ERICH2: variants seen among roughly 807,000 people sequenced by gnomAD.
ERICH2 encodes glutamate rich 2.
Under a neutral mutation model 17.4 loss-of-function variants are expected in ERICH2, and 17 were observed. The observed-to-expected ratio is 0.98, with a 90% CI of 0.67 to 1.47. ERICH2 has a LOEUF of 1.47. Ranked by LOEUF, ERICH2 falls within the 40% of genes most tolerant of loss-of-function variation. The pLI is 0.00. For missense variants in ERICH2, 186 were observed against 183.2 expected (o/e 1.01, Z -0.09); for synonymous variants, 51 against 61.1 (o/e 0.83, Z 0.77).
At chr2:170,780,438 TATTTTTCTGGC>T, upstream of ERICH2, among the ~76,000 whole-genome samples, 1 of 152,202 alleles carries the variant, frequency 6.6e-6, no homozygotes, top group Non-Finnish European at 1.5e-5. Context: ...CTCATATAGG[TATTTTTCTGGC>T]ATGTTCACTG....
At chr2:170,775,035 G>C in the ERICH2 span, among the ~76,000 whole-genome samples, 5 of 152,158 alleles carry the variant, frequency 3.3e-5, no homozygotes, top group African/African-American at 1.2e-4. Context: ...TTTTCACCAG[G>C]TGAAAATGGG....
intron 2 of ERICH2, among the ~76,000 whole-genome samples, chr2:170,786,880 A>G (rs931137641): frequency 2.6e-5 from 4 of 151,912 alleles, no homozygotes; most frequent in African/African-American, 9.7e-5. Flanking sequence ...TCATGTTCAT[A>G]TTTACCTCTG....
intron 3 of ERICH2, among the ~76,000 whole-genome samples, chr2:170,795,804 G>A (rs1017773699): frequency 2.6e-5 from 4 of 152,078 alleles, no homozygotes; most frequent in Non-Finnish European, 5.9e-5. Context: ...AGTCTCTTTA[G>A]GGTACCACAC....
At chr2:170,786,536 G>A (rs1187329343) in intron 2 of ERICH2, among the ~76,000 whole-genome samples, 1 of 151,918 alleles carries the variant, frequency 6.6e-6, no homozygotes, top group Non-Finnish European at 1.5e-5. Flanking sequence ...TGAGTTTATA[G>A]TCTTCATCAA....
intron 3 of ERICH2, among the ~76,000 whole-genome samples, chr2:170,797,807 A>G (rs143390396): frequency 0.012 from 1,850 of 150,528 alleles, 41 homozygotes; most frequent in African/African-American, 0.044. Flanking sequence ...AAAAAAAAAA[A>G]AAAAAAAGAA....
chr2:170,783,821 C>G (rs1390784894), exon 1 of ERICH2: 1 of 1,550,440 alleles, frequency 6.4e-7, no homozygotes, highest in Middle Eastern at 1.7e-4. Flanking sequence ...ACTGGACAGT[C>G]AGGGTGGTTG....
the ERICH2 span, chr2:170,777,722 C>G: frequency 8.3e-7 from 1 of 1,199,192 alleles, no homozygotes. Flanking sequence ...CTCTCCCATG[C>G]CTTTTAAGCA....
chr2:170,789,746 A>T (rs1208578513), intron 2 of ERICH2, among the ~76,000 whole-genome samples: 1 of 152,202 alleles, frequency 6.6e-6, no homozygotes, highest in East Asian at 1.9e-4. Flanking sequence ...TTGATTCCAT[A>T]CTTCTTTTCT....
At chr2:170,791,105 G>C (rs180717186) in intron 2 of ERICH2, among the ~76,000 whole-genome samples, 54 of 152,112 alleles carry the variant, frequency 3.6e-4, no homozygotes, top group African/African-American at 1.2e-3. Flanking sequence ...AATTAAAATG[G>C]AAGAAAACCA....
At chr2:170,787,063 T>G (rs1408516955) in intron 2 of ERICH2, among the ~76,000 whole-genome samples, 1 of 150,762 alleles carries the variant, frequency 6.6e-6, no homozygotes, top group African/African-American at 2.4e-5. Context: ...TTGTTTGTTT[T>G]AACAGATGGG....
upstream of ERICH2, chr2:170,783,637 C>A: frequency 1.6e-6 from 1 of 627,546 alleles, no homozygotes; most frequent in Non-Finnish European, 2.8e-6. Context: ...AAATAAACAG[C>A]TCCTGGAGAG....
intron 3 of ERICH2, among the ~76,000 whole-genome samples, chr2:170,793,162 C>A (rs112870270): frequency 7.0e-4 from 107 of 152,158 alleles, no homozygotes; most frequent in African/African-American, 2.4e-3. Flanking sequence ...GAAAATAAGT[C>A]AAAAATTTTA....
At chr2:170,798,144 C>T in intron 4 of ERICH2, 32 bp downstream of exon 9, 1 of 1,367,520 alleles carries the variant, frequency 7.3e-7, no homozygotes, top group Non-Finnish European at 1.0e-6. Flanking sequence ...CCTTGTTTCT[C>T]ATAGAACTAT....
chr2:170,777,498 A>G, the ERICH2 span: 1 of 1,095,916 alleles, frequency 9.1e-7, no homozygotes, highest in Non-Finnish European at 1.2e-6. Flanking sequence ...GACTATTGGA[A>G]TCTTGAGTGT....
exon 5 of ERICH2, chr2:170,798,907 T>C (rs1308167860): frequency 6.5e-7 from 1 of 1,549,986 alleles, no homozygotes; most frequent in Admixed American, 2.0e-5. Context: ...GTTGCTGCAA[T>C]ACTTGAAGCT....
At chr2:170,780,138 G>C (rs1203605449), upstream of ERICH2, among the ~76,000 whole-genome samples, 2 of 151,952 alleles carry the variant, frequency 1.3e-5, no homozygotes, top group Non-Finnish European at 2.9e-5. Context: ...AAAGACTTTT[G>C]CATTTCCAAA....
chr2:170,798,156 AG>A (rs1212675399), intron 4 of ERICH2, 44 bp downstream of exon 9: 28 of 1,248,232 alleles, frequency 2.2e-5, no homozygotes, highest in Non-Finnish European at 9.2e-6. Context: ...TAGAACTATA[AG>A]CAGTCACTTT....
chr2:170,798,553 A>T (rs1559258312), intron 4 of ERICH2, among the ~76,000 whole-genome samples: 1 of 152,226 alleles, frequency 6.6e-6, no homozygotes, highest in African/African-American at 2.4e-5. Flanking sequence ...TTATTTTTAT[A>T]GACTTATGTT....
the ERICH2 span, among the ~76,000 whole-genome samples, chr2:170,776,116 A>G: frequency 6.6e-6 from 1 of 152,222 alleles, no homozygotes; most frequent in Non-Finnish European, 1.5e-5. Context: ...AATGAAATTT[A>G]TCCAGATATA....
Sources: allele counts gnomAD v4.1 joint callset (sites outside exome capture counted in the v4.1 genomes callset), GRCh38; gene constraint gnomAD v4.1.1; transcripts MANE v1.5; gene names NCBI Gene and HGNC (gene_info 2026-07-23, HGNC 2026-07-21).